Variants in ZNF629 observed in about 807,000 individuals in gnomAD.
ZNF629 encodes the protein DNA-binding protein.
ZNF629 carries 9 observed loss-of-function variants against 59.7 expected under a neutral mutation model. The ratio of observed to expected loss-of-function variants is 0.15; its 90% CI spans 0.09 to 0.26. The LOEUF is 0.26. Among genes scored for constraint, ZNF629 ranks in the 10% least tolerant of loss-of-function variants. The pLI, the probability that ZNF629 is intolerant of heterozygous loss-of-function variation, is 1.00. For missense variants in ZNF629, 853 were observed against 1,165.4 expected, an observed-to-expected ratio of 0.73 and a Z score of 3.90; for synonymous variants, 509 against 498.9, an observed-to-expected ratio of 1.02 and a Z score of -0.27.
In ZNF629 at chr16:30,782,004, G is replaced by C. The variant is rs1377510319; in HGVS notation, c.2324C>G (p.Ala775Gly). 1.3e-6 allele frequency: 2 copies of C among 1,569,254 alleles called. No homozygotes were observed. The highest frequency in any genetic ancestry group is 1.9e-5 in the Admixed American group (1 of 52,620). ...ARPYRCSDCR[A>G]SFLDRVALTR... Reference sequence around the variant, plus strand: ...GAGGGCCACGCGGTCGAGGAAGGAGGCCCTGCAATCTGAGCAGCGGTAGGG... The same window carrying C: ...GAGGGCCACGCGGTCGAGGAAGGAGCCCCTGCAATCTGAGCAGCGGTAGGG... Residue 775 changes from alanine (A) to glycine (G), a missense_variant, in exon 3 of 3, where the codon GCC becomes GGC. Coordinates refer to ENST00000262525, the MANE Select transcript of ZNF629 (RefSeq NM_001080417.3).
In ZNF629 at chr16:30,782,726, C is replaced by A; in HGVS notation, c.1602G>T (p.Val534=). 1 of 1,613,054 alleles carries A rather than the reference C, an allele frequency of 6.2e-7. No homozygotes were observed. Among genetic ancestry groups the A allele is most frequent in the Non-Finnish European group, 8.5e-7 (1 of 1,179,788 alleles). ...LEAHELEQHR[V]IHERGKTPAR... ...CTGGGGTCTTCCCCCTCTCATGGAT[C>A]ACCCGGTGCTGCTCCAGCTCGTGGG... The change falls in exon 3 of 3, where the codon GTG becomes GTT. Residue 534 remains valine (V), a synonymous_variant. Transcript: ENST00000262525.
rs2054281063 is a variant in ZNF629 at position 30,781,600 on chromosome 16, T to C, written c.*118A>G. 14 of 1,024,976 alleles carry C rather than the reference T, an allele frequency of 1.4e-5. No individual in the cohort carries two copies. The highest frequency in any genetic ancestry group is 3.3e-4 in the Middle Eastern group (1 of 3,004). The allele number at this position is 1,024,976 out of a possible 1,614,324, so 63.5% of individuals were successfully genotyped here. A position where few individuals can be genotyped will look rare whatever the true frequency, so the allele number is the denominator to read the frequency against. On this transcript the variant is annotated 3_prime_UTR_variant, in exon 3 of 3. Transcript: ENST00000262525. ...CACTATTTTTTCCCAGGGTTCTTTCTCCTCCACTCCACTACCATCTGATAG... is the reference window on the plus strand; with the variant it reads ...CACTATTTTTTCCCAGGGTTCTTTCCCCTCCACTCCACTACCATCTGATAG...
rs1460827049 is a variant in ZNF629 at position 30,783,443 on chromosome 16, G to A, written c.885C>T (p.Cys295=). The A allele has an allele frequency of 6.2e-7, 1 of 1,614,022 alleles. No individual in the cohort carries two copies. The highest frequency in any genetic ancestry group is 8.5e-7 in the Non-Finnish European group (1 of 1,179,998). ...TGTGGTTCTGGCCGAAGCGCTTCCC[G>A]CACTCGGGGCACTTGTAGGGTTTCT... ...TGEKPYKCPE[C]GKRFGQNHNL... Residue 295 remains cysteine, a synonymous_variant, in exon 3 of 3, where the codon TGC becomes TGT. Transcript: ENST00000262525.
Position 30,781,552 on chromosome 16 carries a change from G to T in ZNF629, c.*166C>A. On this transcript the variant is annotated 3_prime_UTR_variant, in exon 3 of 3. Transcript: ENST00000262525. ...TGCTTCCCACCAACAATTTTATAGG[G>T]TTTCTCATCACTGATGTAAAAGCAC... 1.7e-6 allele frequency: 1 copy of T among 593,824 alleles called. No homozygotes were observed. The highest frequency in any genetic ancestry group is 2.6e-6 in the Non-Finnish European group (1 of 383,394). The allele number at this position is 593,824 out of a possible 1,614,324, so 36.8% of individuals were successfully genotyped here.
chr16:30,784,335 C>T (rs1382908302), intron 2 of ZNF629, 75 bp downstream of exon 2: 2 of 1,546,436 alleles, frequency 1.3e-6, no homozygotes, highest in Non-Finnish European at 8.7e-7. Context: ...CCCGGGTGTC[C>T]CCCAGAGTCC....
rs780697625 is a variant in ZNF629 at position 30,783,023 on chromosome 16, G to A, written c.1305C>T (p.Cys435=). 3.7e-6 allele frequency: 6 copies of A among 1,614,164 alleles called. 1 individual carries two copies. The highest frequency in any genetic ancestry group is 2.7e-5 in the African/African-American group (2 of 75,042). ...RGERPYICAD[C]GKSFIMSSTL... is the part of the protein sequence containing the mutation. ...TGGAGCTCATGATGAAGCTCTTGCC[G>A]CAGTCGGCGCAGATGTAGGGCCGCT... Residue 435 remains cysteine (C), a synonymous_variant, in exon 3 of 3, where the codon TGC becomes TGT. Transcript: ENST00000262525.
At position 30,783,365 on chromosome 16, in the gene ZNF629, G is replaced by A. The variant is rs752372003; in HGVS notation, c.963C>T (p.Thr321=). The change falls in exon 3 of 3, where the codon ACC becomes ACT. Residue 321 remains threonine, a synonymous_variant. Coordinates refer to ENST00000262525, the MANE Select transcript of ZNF629 (RefSeq NM_001080417.3). ...IHAGEKPYRC[T]ECGKSFIQSS... Reference sequence around the variant, plus strand: ...TCTGGATGAAGCTCTTCCCGCACTCGGTGCAGCGGTATGGCTTCTCGCCCG... The same window carrying A: ...TCTGGATGAAGCTCTTCCCGCACTCAGTGCAGCGGTATGGCTTCTCGCCCG... 1.2e-6 allele frequency: 2 copies of A among 1,613,364 alleles called. No individual in the cohort carries two copies. Among genetic ancestry groups the A allele is most frequent in the Non-Finnish European group, 1.7e-6 (2 of 1,179,870 alleles).
rs2054305387 is a variant in ZNF629 at position 30,783,866 on chromosome 16, C to T, written c.462G>A (p.Glu154=). ...AGAEKPYICN[E]CGKSFSQWSK... ...ACCACTGGCTGAAGCTCTTGCCGCA[C>T]TCGTTGCAGATGTAGGGCTTCTCCG... The change falls in exon 3 of 3, where the codon GAG becomes GAA. Residue 154 remains glutamate, a synonymous_variant. Coordinates refer to ENST00000262525, the MANE Select transcript of ZNF629 (RefSeq NM_001080417.3). 6.2e-7 allele frequency: 1 copy of T among 1,609,788 alleles called. No individual in the cohort carries two copies. Among genetic ancestry groups the T allele is most frequent in the Non-Finnish European group, 8.5e-7 (1 of 1,177,680 alleles).
Position 30,782,278 on chromosome 16 carries a change from G to A in ZNF629, c.2050C>T (p.His684Tyr), listed in dbSNP as rs1364132843. The A allele has an allele frequency of 1.2e-6, 2 of 1,612,696 alleles. No homozygotes were observed. Among genetic ancestry groups the A allele is most frequent in the Admixed American group, 1.7e-5 (1 of 59,894 alleles). The change falls in exon 3 of 3, where the codon CAC becomes TAC. Residue 684 changes from histidine to tyrosine, a missense_variant. Physicochemically the swap from His to Tyr is moderately conservative, Grantham distance 83. Around this residue, in one of 3 missense-constraint regions of ZNF629, gnomAD observed 420 missense variants for 435.6 expected, o/e 0.96. Transcript: ENST00000262525. ...RSVLLQHQLT[H>Y]GNEKPFLFPD... ...AAGAGAAAGGGCTTTTCGTTGCCGT[G>A]GGTGAGCTGATGCTGGAGGAGCACA...
At position 30,782,665 on chromosome 16, in the gene ZNF629, C is replaced by G; in HGVS notation, c.1663G>C (p.Gly555Arg). Residue 555 changes from glycine to arginine, a missense_variant, in exon 3 of 3, where the codon GGG (glycine) becomes CGG (arginine). By Grantham distance (125) the Gly-to-Arg change is moderately radical (BLOSUM62 -2). Around this residue, in one of 3 missense-constraint regions of ZNF629, gnomAD observed 420 missense variants for 435.6 expected, o/e 0.96. Transcript: ENST00000262525. The part of the protein sequence containing the change: ...RAQGDSLLGL[G>R]DPSLLTPPPG... ...GGCGGGGTCAGCAGGGAGGGGTCCC[C>G]GAGCCCCAGCAGGCTGTCGCCCTGG... The G allele has an allele frequency of 6.3e-7, 1 of 1,588,980 alleles. No homozygotes were observed. Among genetic ancestry groups the G allele is most frequent in the Non-Finnish European group, 8.6e-7 (1 of 1,168,260 alleles).
rs1227454148 is a variant in ZNF629, at chr16:30,783,440, C to T, written c.888G>A (p.Gly296=). 1 of 1,610,978 alleles carries T rather than the reference C, an allele frequency of 6.2e-7. No individual in the cohort carries two copies. Among genetic ancestry groups the T allele is most frequent in the Non-Finnish European group, 8.5e-7 (1 of 1,178,946 alleles). The change falls in exon 3 of 3, where the codon GGG becomes GGA. Residue 296 remains glycine (G), a synonymous_variant. Transcript: ENST00000262525. Reference sequence around the variant, plus strand: ...GGTTGTGGTTCTGGCCGAAGCGCTTCCCGCACTCGGGGCACTTGTAGGGTT... The same window carrying T: ...GGTTGTGGTTCTGGCCGAAGCGCTTTCCGCACTCGGGGCACTTGTAGGGTT... The part of the protein sequence containing the change: ...GEKPYKCPEC[G]KRFGQNHNLL...
Position 30,782,955 on chromosome 16 carries a change from T to C in ZNF629, c.1373A>G (p.Tyr458Cys). The change falls in exon 3 of 3, where the codon TAC (tyrosine) becomes TGC (cysteine). Residue 458 changes from tyrosine (Y) to cysteine (C), a missense_variant. Tyr to Cys is a radical substitution (Grantham distance 194). Transcript: ENST00000262525. ...HQRIHTGEKP[Y>C]KCSDCGKSFI... The stretch of plus-strand genomic sequence containing the variant: ...GCTCTTGCCGCAGTCGGAACACTTG[T>C]AGGGCTTCTCACCGGTGTGGATGCG... 1 of 1,613,282 alleles carries C rather than the reference T, an allele frequency of 6.2e-7. No individual in the cohort carries two copies. Among genetic ancestry groups the C allele is most frequent in the Non-Finnish European group, 8.5e-7 (1 of 1,179,874 alleles).
In ZNF629 at chr16:30,779,860, G is replaced by C. The variant is rs2054266470; in HGVS notation, c.*1858C>G. 1 of 152,166 alleles carries C rather than the reference G, an allele frequency of 6.6e-6. No individual in the cohort carries two copies. 9.4% of individuals were successfully genotyped at this position (152,166 alleles called of 1,614,324 possible). On this transcript the variant is annotated 3_prime_UTR_variant, in exon 3 of 3. Coordinates refer to ENST00000262525, the MANE Select transcript of ZNF629 (RefSeq NM_001080417.3). Reference sequence around the variant, plus strand: ...TTACTCCAGGACAGCGCATTACTGGGGTTGGCAAGCACTTCCTTTCTGACC... The same window carrying C: ...TTACTCCAGGACAGCGCATTACTGGCGTTGGCAAGCACTTCCTTTCTGACC...
chr16:30,781,400 A>T lies in ZNF629; in HGVS notation c.*318T>A, dbSNP rs2054279709. 1 of 211,864 alleles carries T rather than the reference A, an allele frequency of 4.7e-6. No individual in the cohort carries two copies. Among genetic ancestry groups the T allele is most frequent in the Non-Finnish European group, 9.2e-6 (1 of 108,162 alleles). The allele number at this position is 211,864 out of a possible 1,614,324, so 13.1% of individuals were successfully genotyped here. ...CAGAGACATATTGGGACCTCTTCCT[A>T]CAATTAATAGGGCTTTTATCCACTA... is the stretch of plus-strand genomic sequence containing the variant. On this transcript the variant is annotated 3_prime_UTR_variant, in exon 3 of 3. Transcript: ENST00000262525.
In ZNF629 at chr16:30,786,779, T is replaced by TCCCCGG. The variant is rs1567296424; in HGVS notation, c.-34+243_-34+248dup. Among the ~76,000 whole-genome samples the TCCCCGG allele has an allele frequency of 6.7e-6, 1 of 149,926 alleles. No individual in the cohort carries two copies. The highest frequency in any genetic ancestry group is 1.5e-5 in the Non-Finnish European group (1 of 67,796). Reference sequence around the variant, plus strand: ...TCCAGGGCTGCGCTGGCAGCGCTGGTCCCCGGCCCCGGCCGATCCCTCTTC... The same window carrying TCCCCGG: ...TCCAGGGCTGCGCTGGCAGCGCTGGTCCCCGGCCCCGGCCCCGGCCGATCCCTCTTC... On this transcript the variant is annotated intron_variant, in intron 1 of 2. Coordinates refer to ENST00000262525, the MANE Select transcript of ZNF629 (RefSeq NM_001080417.3). This position sits in a 1 kb window ranked among gnomAD's most constrained non-coding sequence, Gnocchi z 4.8.
chr16:30,784,350 C>T (rs906401404), intron 2 of ZNF629, 60 bp downstream of exon 2: 63 of 1,545,258 alleles, frequency 4.1e-5, no homozygotes, highest in Admixed American at 9.8e-5. Context: ...GAGTCCAGGC[C>T]CCTCCCTGAG....
chr16:30,787,181 G>A lies in ZNF629; in HGVS notation c.-187C>T, dbSNP rs1259899146. On this transcript the variant is annotated 5_prime_UTR_variant, in exon 1 of 3. Transcript: ENST00000262525. Reference sequence around the variant, plus strand: ...GGCTGAGGACCCGGGGACCAGTTCAGGGTGACTGGGACGGAGCAGGAAGTG... The same window carrying A: ...GGCTGAGGACCCGGGGACCAGTTCAAGGTGACTGGGACGGAGCAGGAAGTG... The A allele has an allele frequency of 6.5e-6, 1 of 152,920 alleles. No homozygotes were observed. Among genetic ancestry groups the A allele is most frequent in the Non-Finnish European group, 1.5e-5 (1 of 68,258 alleles). The allele number at this position is 152,920 out of a possible 1,614,324, so 9.5% of individuals were successfully genotyped here. A position where few individuals can be genotyped will look rare whatever the true frequency, so the allele number is the denominator to read the frequency against.
At chr16:30,784,660 G>A (rs527726338) in intron 1 of ZNF629, 145 bp from the exon 2 acceptor site, 49 of 629,792 alleles carry the variant, frequency 7.8e-5, no homozygotes, top group African/African-American at 7.3e-4. Flanking sequence ...TTCTGGGCAC[G>A]GGTTCTTGCT....
rs546289365 is a variant in ZNF629 at position 30,786,797 on chromosome 16, C to T, written c.-34+231G>A. Among the ~76,000 whole-genome samples, 1 of 152,068 alleles carries T rather than the reference C, an allele frequency of 6.6e-6. No homozygotes were observed. The highest frequency in any genetic ancestry group is 2.4e-5 in the African/African-American group (1 of 41,432). ...GCGCTGGTCCCCGGCCCCGGCCGAT[C>T]CCTCTTCCCAGAATCCCCAGGCTCC... On this transcript the variant is annotated intron_variant, in intron 1 of 2. Coordinates refer to ENST00000262525, the MANE Select transcript of ZNF629 (RefSeq NM_001080417.3). This position sits in a 1 kb window ranked among gnomAD's most constrained non-coding sequence, Gnocchi z 4.8.
Sources: gnomAD v4.1 joint callset for allele counts (sites outside exome capture counted in the v4.1 genomes callset) on GRCh38, gnomAD v4.1.1 for gene constraint, gnomAD v4.1.1 regional missense constraint, Gnocchi (gnomAD v3.1) non-coding constraint, MANE v1.5 for transcripts, NCBI Gene and HGNC (gene_info 2026-07-23, HGNC 2026-07-21) for gene names.